Variants in DENND4A observed in about 807,000 individuals in gnomAD.
DENND4A encodes DENN domain containing 4A, also known as C-myc promoter-binding protein.
A neutral mutation model predicts 199.3 loss-of-function variants in DENND4A; 70 were observed. That is an observed-to-expected ratio of 0.35 (90% CI 0.29 to 0.43). DENND4A has a LOEUF of 0.43. Ranked by LOEUF, DENND4A falls within the 20% of genes least tolerant of loss-of-function variation. The pLI, the probability that DENND4A is intolerant of heterozygous loss-of-function variation, is 1.00. For synonymous variants in DENND4A, 686 were observed against 766.9 expected, an observed-to-expected ratio of 0.89 and a Z score of 1.74; for missense variants, 1,723 against 2,255.8, an observed-to-expected ratio of 0.76 and a Z score of 4.78.
intron 12 of DENND4A, among the ~76,000 whole-genome samples, chr15:65,720,947 T>TTCTATATATATATATATA (rs1435137020): frequency 4.3e-4 from 33 of 76,264 alleles, no homozygotes; most frequent in South Asian, 2.7e-3. Flanking sequence ...GTTTCATTGA[T>TTCTATATATATATATATA]TATATATATA....
chr15:65,756,598 G>T (rs924447855), intron 2 of DENND4A, 126 bp from the exon 3 acceptor site: 3 of 551,258 alleles, frequency 5.4e-6, no homozygotes, highest in Non-Finnish European at 3.1e-6. Flanking sequence ...CAGTAGCATT[G>T]TATATTTAAC....
chr15:65,756,600 A>G (rs2140680701), intron 2 of DENND4A, 128 bp from the exon 3 acceptor site: 1 of 533,298 alleles, frequency 1.9e-6, no homozygotes, highest in Non-Finnish European at 3.2e-6. Flanking sequence ...GTAGCATTGT[A>G]TATTTAACTT....
At chr15:65,669,702 A>G in intron 27 of DENND4A, 77 bp downstream of exon 27, 2 of 1,287,028 alleles carry the variant, frequency 1.6e-6, no homozygotes, top group Non-Finnish European at 2.1e-6. Context: ...GAAATGGTCA[A>G]CTAATTTTTC....
intron 9 of DENND4A, 48 bp downstream of exon 9, chr15:65,731,594 G>A (rs1466724226): frequency 7.5e-7 from 1 of 1,335,300 alleles, no homozygotes; most frequent in East Asian, 2.5e-5. Flanking sequence ...ATATTTGAAT[G>A]TTATGCTAGA....
intron 3 of DENND4A, 55 bp downstream of exon 3, chr15:65,756,085 C>A (rs912571629): frequency 7.0e-7 from 1 of 1,419,010 alleles, no homozygotes; most frequent in Non-Finnish European, 9.5e-7. Flanking sequence ...ATCTCCAAAT[C>A]TACAAGGCAT....
chr15:65,695,327 G>A (rs980294270), intron 22 of DENND4A, among the ~76,000 whole-genome samples: 1 of 152,060 alleles, frequency 6.6e-6, no homozygotes, highest in Admixed American at 6.6e-5. Context: ...AAATGAATGA[G>A]CATGTCTGTG....
intron 8 of DENND4A, 128 bp downstream of exon 8, chr15:65,732,624 A>G (rs973719351): frequency 8.9e-6 from 5 of 564,662 alleles, no homozygotes; most frequent in Non-Finnish European, 1.6e-5. Context: ...ACAACAGGTA[A>G]TAGTATCTGG....
At chr15:65,684,346 A>G (rs2076680413) in intron 23 of DENND4A, among the ~76,000 whole-genome samples, 1 of 152,164 alleles carries the variant, frequency 6.6e-6, no homozygotes, top group Non-Finnish European at 1.5e-5. Flanking sequence ...AAAAAGTATG[A>G]GGGTTCCCAT....
intron 23 of DENND4A, chr15:65,681,058 C>T (rs1273930237): frequency 6.6e-6 from 1 of 152,184 alleles, no homozygotes; most frequent in East Asian, 1.9e-4. Context: ...AAAGATTTCT[C>T]TGTAGCATGT....
intron 1 of DENND4A, among the ~76,000 whole-genome samples, chr15:65,764,378 C>A (rs542000445): frequency 5.2e-4 from 79 of 152,056 alleles, no homozygotes; most frequent in Non-Finnish European, 7.4e-4. Context: ...CGCCTATAAC[C>A]CCAGCACTCT....
Position 65,738,756 on chromosome 15 carries a change from G to A in DENND4A, c.751C>T (p.Pro251Ser), listed in dbSNP as rs1470310430. 3.7e-6 allele frequency: 6 copies of A among 1,612,340 alleles called. No homozygotes were observed. The highest frequency in any genetic ancestry group is 5.1e-6 in the Non-Finnish European group (6 of 1,179,176). The change falls in exon 6 of 33, where the codon CCT becomes TCT. Residue 251 changes from proline to serine, a missense_variant. Physicochemically the swap from Pro to Ser is moderately conservative, Grantham distance 74. This residue lies in a region of DENND4A where 725 missense variants were observed against 952.9 expected (regional missense o/e 0.76). Coordinates refer to ENST00000443035, the MANE Select transcript of DENND4A (RefSeq NM_001320835.1). ...ACAAAAGTAGAAAATACAGGCAGAG[G>A]GTATTTGCTATTTGATGGCCAACAT... ...IECWPSNSKY[P>S]LPVFSTFVLT...
At position 65,772,267 on chromosome 15, in the gene DENND4A, A is replaced by G. The variant is rs16949004; in HGVS notation, c.-101-10829T>C. 9.6e-3 allele frequency: 5,244 copies of G among 546,556 alleles called. 235 individuals carry two copies. The highest frequency in any genetic ancestry group is 0.09 in the African/African-American group (4,714 of 52,144). The allele number at this position is 546,556 out of a possible 1,614,324, so 33.9% of individuals were successfully genotyped here. ...ATTCTCTCATTCACTCATCTGACAA[A>G]TATTTATTGAATACTGAAATGGACA... is the stretch of plus-strand genomic sequence containing the variant. On this transcript the variant is annotated intron_variant, in intron 1 of 32. Transcript: ENST00000443035.
chr15:65,705,991 A>C, intron 15 of DENND4A, 100 bp downstream of exon 15: 1 of 1,373,454 alleles, frequency 7.3e-7, no homozygotes, highest in Non-Finnish European at 9.5e-7. Flanking sequence ...GGGATCTGTA[A>C]AGTTTGGATT....
intron 5 of DENND4A, among the ~76,000 whole-genome samples, chr15:65,741,255 T>C (rs1024694413): frequency 1.3e-5 from 2 of 152,164 alleles, no homozygotes; most frequent in East Asian, 1.9e-4. Flanking sequence ...TGTTCTCTTG[T>C]AAATAAGGTC....
chr15:65,771,774 G>C, intron 1 of DENND4A: 1 of 1,613,310 alleles, frequency 6.2e-7, no homozygotes, highest in Admixed American at 1.7e-5. Context: ...CATTGTTTTG[G>C]TGGTTACATG....
intron 17 of DENND4A, 98 bp from the exon 18 acceptor site, chr15:65,701,988 C>A: frequency 6.7e-7 from 1 of 1,503,184 alleles, no homozygotes; most frequent in Non-Finnish European, 9.2e-7. Context: ...TGTGGCAGGG[C>A]ACAGTGGCTC....
At chr15:65,704,696 T>C (rs961092406) in intron 15 of DENND4A, among the ~76,000 whole-genome samples, 1 of 152,126 alleles carries the variant, frequency 6.6e-6, no homozygotes, top group African/African-American at 2.4e-5. Flanking sequence ...GTTCAAGAAA[T>C]TGTCCTGCCT....
chr15:65,766,595 C>T (rs1034103879), intron 1 of DENND4A: 1 of 152,176 alleles, frequency 6.6e-6, no homozygotes, highest in Non-Finnish European at 1.5e-5. Flanking sequence ...CAACAGGCAA[C>T]TGTGGGGCTT....
At chr15:65,762,361 C>T (rs534733136) in intron 1 of DENND4A, among the ~76,000 whole-genome samples, 2 of 151,660 alleles carry the variant, frequency 1.3e-5, no homozygotes, top group African/African-American at 4.8e-5. Flanking sequence ...CAGTGGCTCA[C>T]GTCTGTAATC....
Sources: allele counts gnomAD v4.1 joint callset (sites outside exome capture counted in the v4.1 genomes callset), GRCh38; gene constraint gnomAD v4.1.1; regional missense constraint gnomAD v4.1.1; transcripts MANE v1.5; gene names NCBI Gene and HGNC (gene_info 2026-07-23, HGNC 2026-07-21).